AGBL4: variants seen among roughly 807,000 people sequenced by gnomAD.
AGBL4 encodes the protein cytosolic carboxypeptidase 6.
AGBL4 carries 58 observed loss-of-function variants against 66.4 expected under a neutral mutation model. The observed-to-expected ratio is 0.87, with a 90% CI of 0.71 to 1.09. The LOEUF is 1.09. Ranked by LOEUF, AGBL4 falls within the 50% of genes least tolerant of loss-of-function variation. The pLI is 0.00. For missense variants in AGBL4, 579 were observed against 631.0 expected, an observed-to-expected ratio of 0.92 and a Z score of 0.88; for synonymous variants, 234 against 222.9, an observed-to-expected ratio of 1.05 and a Z score of -0.44.
intron 11 of AGBL4, among the ~76,000 whole-genome samples, chr1:48,548,632 C>T (rs1644202979): frequency 6.6e-6 from 1 of 152,206 alleles, no homozygotes; most frequent in East Asian, 1.9e-4. Flanking sequence ...GGACTCATCT[C>T]TGAAGCTTTC....
intron 3 of AGBL4, among the ~76,000 whole-genome samples, chr1:49,267,906 G>GA (rs1643961236): frequency 6.6e-6 from 1 of 151,918 alleles, no homozygotes. Flanking sequence ...CAGCATGGGG[G>GA]AAACCACCCC....
At chr1:48,657,346 G>A (rs1376530893) in intron 7 of AGBL4, among the ~76,000 whole-genome samples, 1 of 152,210 alleles carries the variant, frequency 6.6e-6, no homozygotes, top group Non-Finnish European at 1.5e-5. Context: ...AGGTGAACAA[G>A]GATTTGCTGT....
chr1:49,074,375 C>T (rs373203366), intron 4 of AGBL4, among the ~76,000 whole-genome samples: 12 of 152,206 alleles, frequency 7.9e-5, no homozygotes, highest in East Asian at 5.8e-4. Context: ...TGCCCTGCTT[C>T]GGCTCACCCT....
At chr1:48,912,235 C>T (rs1307935436) in intron 5 of AGBL4, among the ~76,000 whole-genome samples, 6 of 152,152 alleles carry the variant, frequency 3.9e-5, no homozygotes, top group Non-Finnish European at 5.9e-5. Flanking sequence ...TGTATAGCAT[C>T]GGTACCTGAA....
chr1:48,935,559 A>T (rs953370271), intron 5 of AGBL4, among the ~76,000 whole-genome samples: 1 of 152,082 alleles, frequency 6.6e-6, no homozygotes, highest in African/African-American at 2.4e-5. Flanking sequence ...ACCTGACTTC[A>T]TCTCTCAGTT....
chr1:49,765,183 C>T (rs1200454938), intron 2 of AGBL4, among the ~76,000 whole-genome samples: 4 of 152,148 alleles, frequency 2.6e-5, no homozygotes, highest in African/African-American at 9.6e-5. Flanking sequence ...AGGCTCGGCC[C>T]TTCACCTGAA....
At chr1:49,332,238 A>G (rs1485762469) in intron 3 of AGBL4, among the ~76,000 whole-genome samples, 1 of 152,242 alleles carries the variant, frequency 6.6e-6, no homozygotes, top group Non-Finnish European at 1.5e-5. Context: ...GACAATGTTG[A>G]TGGAAGAAAT....
intron 9 of AGBL4, among the ~76,000 whole-genome samples, chr1:48,615,373 G>A (rs1418678860): frequency 6.6e-6 from 1 of 152,182 alleles, no homozygotes; most frequent in Non-Finnish European, 1.5e-5. Context: ...AAGATGTAGG[G>A]AGGGAAAGGA....
At chr1:49,322,508 T>C (rs1320947185) in intron 3 of AGBL4, among the ~76,000 whole-genome samples, 1 of 152,216 alleles carries the variant, frequency 6.6e-6, no homozygotes, top group African/African-American at 2.4e-5. Flanking sequence ...AGGGTCTTTA[T>C]AGTTGTAATT....
chr1:49,810,117 G>T lies in AGBL4; in HGVS notation c.157+41279C>A, dbSNP rs548247663. Among the ~76,000 whole-genome samples the T allele has an allele frequency of 1.1e-3, 171 of 152,154 alleles. 1 individual carries two copies. Among genetic ancestry groups the T allele is most frequent in the African/African-American group, 3.9e-3 (163 of 41,502 alleles). ...TCTTTACCACTTTCCTCCCTATAAG[G>T]TAGGTGAAGGTTTTCCTTCCAGTTG... On this transcript the variant is annotated intron_variant, in intron 2 of 13. Coordinates refer to ENST00000371839, the MANE Select transcript of AGBL4 (RefSeq NM_032785.4).
chr1:49,282,521 A>C (rs1557800140), intron 3 of AGBL4, among the ~76,000 whole-genome samples: 1 of 152,200 alleles, frequency 6.6e-6, no homozygotes, highest in Non-Finnish European at 1.5e-5. Flanking sequence ...GGAGGACCCA[A>C]GATGGCCGAA....
intron 6 of AGBL4, among the ~76,000 whole-genome samples, chr1:48,700,629 A>G (rs1166575151): frequency 6.6e-6 from 1 of 152,142 alleles, no homozygotes; most frequent in Non-Finnish European, 1.5e-5. Context: ...GTGTTCCAAG[A>G]TTATTTCAGC....
chr1:49,394,906 C>T (rs1203103526), intron 3 of AGBL4, among the ~76,000 whole-genome samples: 1 of 152,122 alleles, frequency 6.6e-6, no homozygotes, highest in East Asian at 1.9e-4. Context: ...GTCTCTCTGC[C>T]TAATGCTTTC....
chr1:49,239,773 T>G (rs1056775396), intron 4 of AGBL4, among the ~76,000 whole-genome samples: 5 of 152,078 alleles, frequency 3.3e-5, no homozygotes, highest in African/African-American at 1.2e-4. Context: ...AATATAGAAG[T>G]GTATAGAAAT....
At chr1:48,746,550 A>G (rs1216303212) in intron 6 of AGBL4, among the ~76,000 whole-genome samples, 1 of 152,168 alleles carries the variant, frequency 6.6e-6, no homozygotes, top group Non-Finnish European at 1.5e-5. Context: ...TAAATTTCTC[A>G]CTCAGCACCA....
At chr1:49,985,719 T>G (rs1659447936) in intron 1 of AGBL4, among the ~76,000 whole-genome samples, 1 of 152,170 alleles carries the variant, frequency 6.6e-6, no homozygotes, top group Admixed American at 6.5e-5. Context: ...CCTACAGATG[T>G]TCAGCTCTTT....
chr1:49,775,124 A>G (rs923403406), intron 2 of AGBL4, among the ~76,000 whole-genome samples: 2 of 152,164 alleles, frequency 1.3e-5, no homozygotes, highest in Non-Finnish European at 2.9e-5. Flanking sequence ...ACAGCTTCAA[A>G]ATAAAGTAAA....
chr1:49,584,815 C>T (rs186548204), intron 3 of AGBL4, among the ~76,000 whole-genome samples: 44 of 152,254 alleles, frequency 2.9e-4, no homozygotes, highest in Non-Finnish European at 4.7e-4. Context: ...TATGCTTTAT[C>T]TCATTTATTG....
chr1:49,608,931 C>T (rs1392287817), intron 3 of AGBL4, among the ~76,000 whole-genome samples: 2 of 152,134 alleles, frequency 1.3e-5, no homozygotes, highest in African/African-American at 4.8e-5. Flanking sequence ...ACCCCTCCCC[C>T]ACCACAGCCA....
Sources: gnomAD v4.1 joint callset for allele counts (sites outside exome capture counted in the v4.1 genomes callset) on GRCh38, gnomAD v4.1.1 for gene constraint, MANE v1.5 for transcripts, NCBI Gene and HGNC (gene_info 2026-07-23, HGNC 2026-07-21) for gene names.